VCL: variants seen among roughly 807,000 people sequenced by gnomAD.
VCL encodes epididymis luminal protein 114.
VCL carries 47 observed loss-of-function variants against 125.7 expected under a neutral mutation model. That is an observed-to-expected ratio of 0.37 (90% CI 0.30 to 0.48). The LOEUF is 0.48. Ranked by LOEUF, VCL falls within the 20% of genes least tolerant of loss-of-function variation. The pLI is 0.99. For synonymous variants in VCL, 458 were observed against 514.6 expected (o/e 0.89, Z 1.49); for missense variants, 1,069 against 1,455.5 (o/e 0.73, Z 4.32).
At chr10:74,085,602 G>T (rs1034418323) in intron 8 of VCL, among the ~76,000 whole-genome samples, 1 of 152,038 alleles carries the variant, frequency 6.6e-6, no homozygotes, top group Non-Finnish European at 1.5e-5. Context: ...ATATAAATTT[G>T]TTTGGAATTC....
intron 1 of VCL, among the ~76,000 whole-genome samples, chr10:74,000,439 G>A (rs1840205853): frequency 6.6e-6 from 1 of 151,602 alleles, no homozygotes; most frequent in Non-Finnish European, 1.5e-5. Context: ...TTTTTGAGAT[G>A]GAGTCTTCCT....
Position 73,998,326 on chromosome 10 carries a change from T to A in VCL, c.119T>A (p.Leu40His). The change falls in exon 1 of 22, where the codon CTC becomes CAC. Residue 40 changes from leucine to histidine, a missense_variant. Leu to His is a moderately conservative substitution (Grantham distance 99, BLOSUM62 -3). Transcript: ENST00000211998. ...GEVDGKAIPDLTAPVAAVQAA... is the reference protein window; with the variant it reads ...GEVDGKAIPDHTAPVAAVQAA... ...GTGGACGGCAAAGCCATTCCTGACC[T>A]CACCGCGCCCGTGGCCGCCGTGCAG... 3 of 1,569,096 alleles carry A rather than the reference T, an allele frequency of 1.9e-6. No individual in the cohort carries two copies. Among genetic ancestry groups the A allele is most frequent in the Non-Finnish European group, 2.6e-6 (3 of 1,156,832 alleles).
intron 8 of VCL, 44 bp downstream of exon 8, chr10:74,083,557 CT>C (rs1591696326): frequency 6.2e-7 from 1 of 1,609,306 alleles, no homozygotes; most frequent in African/African-American, 1.3e-5. Context: ...GGGTAACTCA[CT>C]CCTAACAGGG....
At chr10:74,072,948 T>A in intron 5 of VCL, 96 bp downstream of exon 5, 1 of 1,483,176 alleles carries the variant, frequency 6.7e-7, no homozygotes. Flanking sequence ...TTCTTTTCTT[T>A]TTTTTTTTTT....
intron 6 of VCL, among the ~76,000 whole-genome samples, chr10:74,080,828 G>A (rs1839663848): frequency 6.6e-6 from 1 of 152,188 alleles, no homozygotes; most frequent in South Asian, 2.1e-4. Flanking sequence ...GAGGTTAGGA[G>A]TTGCCTGGCC....
intron 2 of VCL, among the ~76,000 whole-genome samples, chr10:74,058,623 G>A (rs971988988): frequency 3.3e-5 from 5 of 150,244 alleles, no homozygotes; most frequent in African/African-American, 1.2e-4. Context: ...AAAGTTGAAC[G>A]TGAATGTTTT....
intron 21 of VCL, among the ~76,000 whole-genome samples, chr10:74,117,172 T>G (rs1840323023): frequency 6.6e-6 from 1 of 152,142 alleles, no homozygotes; most frequent in Admixed American, 6.5e-5. Flanking sequence ...AATTAAATAT[T>G]TATGAAATAC....
intron 1 of VCL, among the ~76,000 whole-genome samples, chr10:74,011,112 A>C (rs968470338): frequency 6.3e-5 from 9 of 142,316 alleles, no homozygotes; most frequent in African/African-American, 2.4e-4. Flanking sequence ...CAGAGGTTGC[A>C]GTTAGCTGCG....
chr10:74,032,710 ATAT>A (rs140817876), intron 1 of VCL, among the ~76,000 whole-genome samples: 67,936 of 134,120 alleles, frequency 0.51, 17,762 homozygotes, highest in Admixed American at 0.6. Context: ...AAAAAAAAAA[ATAT>A]ATATATATAT....
At chr10:74,111,150 T>G (rs902146146) in intron 18 of VCL, among the ~76,000 whole-genome samples, 1 of 152,236 alleles carries the variant, frequency 6.6e-6, no homozygotes, top group Non-Finnish European at 1.5e-5. Context: ...CAGAAGACCT[T>G]GAGGGGATAG....
At position 74,097,299 on chromosome 10, in the gene VCL, C is replaced by T; in HGVS notation, c.1839C>T (p.Ala613=). The part of the protein sequence containing the change: ...TTPIKLLAVA[A]TAPPDAPNRE... ...CCATCAAGCTGTTGGCAGTGGCAGCCACGGCGCCTCCTGATGCGCCTAACA... is the reference window on the plus strand; with the variant it reads ...CCATCAAGCTGTTGGCAGTGGCAGCTACGGCGCCTCCTGATGCGCCTAACA... Residue 613 remains alanine, a synonymous_variant, in exon 13 of 22, where the codon GCC becomes GCT. Coordinates refer to ENST00000211998, the MANE Select transcript of VCL (RefSeq NM_014000.3). This position sits in a 1 kb window ranked among gnomAD's most constrained non-coding sequence, Gnocchi z 4.1. 1 of 1,613,968 alleles carries T rather than the reference C, an allele frequency of 6.2e-7. No individual in the cohort carries two copies. Among genetic ancestry groups the T allele is most frequent in the Non-Finnish European group, 8.5e-7 (1 of 1,179,958 alleles).
At chr10:74,025,925 G>A (rs1840763415) in intron 1 of VCL, among the ~76,000 whole-genome samples, 1 of 152,134 alleles carries the variant, frequency 6.6e-6, no homozygotes, top group Non-Finnish European at 1.5e-5. Flanking sequence ...GAGGGATCCT[G>A]GAGAAAAATG....
At position 74,105,208 on chromosome 10, in the gene VCL, C is replaced by T; in HGVS notation, c.2289C>T (p.Ile763=). 1 of 1,614,166 alleles carries T rather than the reference C, an allele frequency of 6.2e-7. No individual in the cohort carries two copies. Among genetic ancestry groups the T allele is most frequent in the Non-Finnish European group, 8.5e-7 (1 of 1,180,034 alleles). Residue 763 remains isoleucine (I), a synonymous_variant, in exon 16 of 22, where the codon ATC becomes ATT. Transcript: ENST00000211998. ...ATSIARRANR[I]LLVAKREVEN... Reference sequence around the variant, plus strand: ...GTATTGCTCGTCGGGCCAACCGGATCCTGCTGGTGGCTAAGAGGGAGGTGG... The same window carrying T: ...GTATTGCTCGTCGGGCCAACCGGATTCTGCTGGTGGCTAAGAGGGAGGTGG...
chr10:74,084,987 G>A (rs4745737), intron 8 of VCL, among the ~76,000 whole-genome samples: 9,505 of 152,254 alleles, frequency 0.062, 1,032 homozygotes, highest in African/African-American at 0.22. Context: ...ATAGTTCACT[G>A]TAACTTTGAA....
intron 1 of VCL, chr10:74,005,196 A>T (rs1235601169): frequency 6.6e-6 from 1 of 152,206 alleles, no homozygotes; most frequent in Admixed American, 6.5e-5. Flanking sequence ...CTGTTGCTAC[A>T]TCAAAAGAGA....
At chr10:74,035,209 T>A (rs1309329048) in intron 1 of VCL, among the ~76,000 whole-genome samples, 2 of 152,270 alleles carry the variant, frequency 1.3e-5, no homozygotes, top group East Asian at 3.9e-4. Flanking sequence ...ATTAACATAT[T>A]TTTTAGTCTA....
At chr10:74,108,922 G>C (rs780355735) in intron 17 of VCL, 49 bp from the exon 18 acceptor site, 20 of 1,607,106 alleles carry the variant, frequency 1.2e-5, no homozygotes, top group Middle Eastern at 1.7e-4. Flanking sequence ...AGAATTCCAG[G>C]GGGGAGTAGT....
In VCL at chr10:74,105,081, C is replaced by G. The variant is rs1348448270; in HGVS notation, c.2162C>G (p.Ser721Cys). The G allele has an allele frequency of 1.2e-6, 2 of 1,614,174 alleles. No individual in the cohort carries two copies. Among genetic ancestry groups the G allele is most frequent in the Non-Finnish European group, 1.7e-6 (2 of 1,180,034 alleles). The change falls in exon 16 of 22, where the codon TCT becomes TGT. Residue 721 changes from serine to cysteine, a missense_variant. Around this residue, in one of 6 missense-constraint regions of VCL, gnomAD observed 760 missense variants for 928.9 expected, o/e 0.82. Transcript: ENST00000211998. ...GTGGACGAAGCCATTGATACCAAAT[C>G]TCTGTTGGATGCTTCAGAAGAAGCA... ...GLVDEAIDTKSLLDASEEAIK... is the reference protein window; with the variant it reads ...GLVDEAIDTKCLLDASEEAIK...
intron 1 of VCL, 106 bp downstream of exon 1, chr10:73,998,481 G>T: frequency 1.7e-6 from 2 of 1,197,292 alleles, no homozygotes; most frequent in Non-Finnish European, 2.1e-6. Flanking sequence ...GGCTTTCCGC[G>T]TGGGTTCCGG....
Sources: gnomAD v4.1 joint callset for allele counts (sites outside exome capture counted in the v4.1 genomes callset) on GRCh38, gnomAD v4.1.1 for gene constraint, gnomAD v4.1.1 regional missense constraint, Gnocchi (gnomAD v3.1) non-coding constraint, MANE v1.5 for transcripts, NCBI Gene and HGNC (gene_info 2026-07-23, HGNC 2026-07-21) for gene names.